LARGE1: variants seen among roughly 807,000 people sequenced by gnomAD.
LARGE1 encodes the protein LARGE xylosyl- and glucuronyltransferase 1.
In LARGE1, 43 loss-of-function variants were observed where a neutral mutation model predicts 87.6. The observed-to-expected ratio is 0.49, with a 90% confidence interval of 0.38 to 0.63. The LOEUF (loss-of-function observed/expected upper bound fraction) is 0.63, where lower values mean the gene tolerates loss of function less well. Ranked by LOEUF, LARGE1 falls within the 30% of genes least tolerant of loss-of-function variation. LARGE1 has a pLI of 0.00. For synonymous variants in LARGE1, 434 were observed against 394.6 expected (o/e 1.10, Z -1.18); for missense variants, 802 against 1,000.2 (o/e 0.80, Z 2.67).
intron 6 of LARGE1, among the ~76,000 whole-genome samples, chr22:33,529,490 C>G (rs1006511222): frequency 2.0e-4 from 31 of 152,346 alleles, no homozygotes; most frequent in African/African-American, 7.5e-4. Context: ...AAGACAAAAG[C>G]AGCCCCAACG....
chr22:33,676,901 G>C (rs1481111226), intron 2 of LARGE1, among the ~76,000 whole-genome samples: 1 of 152,142 alleles, frequency 6.6e-6, no homozygotes, highest in Non-Finnish European at 1.5e-5. Flanking sequence ...TCAAGAAGAA[G>C]ACCTCTCAGA....
chr22:33,362,731 C>T (rs2064432629), intron 9 of LARGE1, among the ~76,000 whole-genome samples: 1 of 149,964 alleles, frequency 6.7e-6, no homozygotes, highest in Admixed American at 6.6e-5. Flanking sequence ...ATTGCTGTTT[C>T]CCTGAAAGGC....
intron 5 of LARGE1, among the ~76,000 whole-genome samples, chr22:33,594,910 G>A (rs5749636): frequency 2.3e-4 from 35 of 152,266 alleles, no homozygotes; most frequent in African/African-American, 7.0e-4. Context: ...CCCCGCTGAA[G>A]TTGTTTCTTA....
At chr22:33,281,622 C>G (rs368161439) in intron 13 of LARGE1, among the ~76,000 whole-genome samples, 1 of 152,160 alleles carries the variant, frequency 6.6e-6, no homozygotes, top group African/African-American at 2.4e-5. Flanking sequence ...GTGCCTGGCA[C>G]ATGCTAAGCA....
rs922405101 is a variant in LARGE1, at chr22:33,266,630, G to A, written c.1730+37599C>T. 3.3e-5 allele frequency among the ~76,000 whole-genome samples: 5 copies of A among 151,618 alleles called. 1 individual carries two copies. The highest frequency in any genetic ancestry group is 2.6e-4 in the Admixed American group (4 of 15,246). On this transcript the variant is annotated intron_variant, in intron 11 of 11. Coordinates refer to the LARGE1 transcript ENST00000608642. ...CTGATTAAATAAGAAAATGTATATT[G>A]TCCAGCATATGTTTGTTCTCCATGA...
At chr22:33,874,108 C>T (rs1816844761) in intron 1 of LARGE1, among the ~76,000 whole-genome samples, 1 of 152,066 alleles carries the variant, frequency 6.6e-6, no homozygotes, top group Non-Finnish European at 1.5e-5. Context: ...TTCCACAGGC[C>T]GCTTTTTGCA....
chr22:33,100,358 A>AC, the LARGE1 span, among the ~76,000 whole-genome samples: 1 of 150,730 alleles, frequency 6.6e-6, no homozygotes, highest in Non-Finnish European at 1.5e-5. Context: ...TCAAAAAAAA[A>AC]AAAAAAAAAA....
At chr22:33,262,666 G>A (rs938485745) in intron 11 of LARGE1, among the ~76,000 whole-genome samples, 26 of 152,186 alleles carry the variant, frequency 1.7e-4, no homozygotes, top group South Asian at 2.1e-4. Context: ...ACTCTATTAC[G>A]CCTGCCAGTC....
intron 7 of LARGE1, among the ~76,000 whole-genome samples, chr22:33,391,784 T>A (rs2065534169): frequency 7.0e-6 from 1 of 142,282 alleles, no homozygotes; most frequent in African/African-American, 2.7e-5. Flanking sequence ...TTTTTTTTTT[T>A]TTTGAGACGG....
chr22:33,231,346 C>T (rs1925996185), intron 11 of LARGE1, among the ~76,000 whole-genome samples: 2 of 152,170 alleles, frequency 1.3e-5, no homozygotes, highest in Admixed American at 1.3e-4. Flanking sequence ...CTCCAACTAG[C>T]TCTGTAACCA....
At chr22:33,623,718 A>C (rs970902308) in intron 4 of LARGE1, among the ~76,000 whole-genome samples, 2 of 152,050 alleles carry the variant, frequency 1.3e-5, no homozygotes, top group East Asian at 1.9e-4. Context: ...AAAAAAAAAA[A>C]AAAAAAACCT....
At chr22:33,336,492 G>A (rs879583589) in intron 10 of LARGE1, among the ~76,000 whole-genome samples, 5 of 151,962 alleles carry the variant, frequency 3.3e-5, no homozygotes, top group Admixed American at 6.6e-5. Flanking sequence ...GAGCCACCGC[G>A]CCTGGCCCCA....
intron 2 of LARGE1, among the ~76,000 whole-genome samples, chr22:33,718,140 T>C (rs2082967429): frequency 6.6e-6 from 1 of 152,164 alleles, no homozygotes. Flanking sequence ...AAATATGCCG[T>C]TATTTACTGT....
intron 1 of LARGE1, among the ~76,000 whole-genome samples, chr22:33,858,354 G>T (rs1329497589): frequency 6.6e-6 from 1 of 152,164 alleles, no homozygotes; most frequent in Non-Finnish European, 1.5e-5. Flanking sequence ...CGGACCAGAA[G>T]AGAGTGCGGT....
intron 6 of LARGE1, among the ~76,000 whole-genome samples, chr22:33,544,685 AACAACAACC>A (rs1023499182): frequency 5.0e-5 from 2 of 40,342 alleles, no homozygotes; most frequent in African/African-American, 1.6e-4. Flanking sequence ...CCTGTCTCAA[AACAACAACC>A]ACAACAACAA....
rs868288472 is a variant in LARGE1 at position 33,330,531 on chromosome 22, G to T, written c.1287+7115C>A. 2.0e-5 allele frequency among the ~76,000 whole-genome samples: 3 copies of T among 152,292 alleles called. No individual in the cohort carries two copies. The Middle Eastern group carries it at 0.01, about 518-fold the overall frequency. On this transcript the variant is annotated intron_variant, in intron 10 of 14. Transcript: ENST00000397394. ...AGGGGCTGGGTTGTTGAGGAAAAGG[G>T]AGAGAAATGCTAAGGTATAGAATTC...
At chr22:33,439,426 C>T (rs2067389604) in intron 6 of LARGE1, among the ~76,000 whole-genome samples, 1 of 152,086 alleles carries the variant, frequency 6.6e-6, no homozygotes, top group Non-Finnish European at 1.5e-5. Context: ...CACCCCACTC[C>T]ACCTTTCTGA....
chr22:33,234,069 T>A (rs913974858), intron 11 of LARGE1, among the ~76,000 whole-genome samples: 1 of 152,210 alleles, frequency 6.6e-6, no homozygotes, highest in Admixed American at 6.5e-5. Flanking sequence ...AGCCTTCATA[T>A]CCAGCAAATT....
At chr22:33,798,250 G>T (rs758046360) in intron 1 of LARGE1, among the ~76,000 whole-genome samples, 2 of 152,086 alleles carry the variant, frequency 1.3e-5, no homozygotes, top group Admixed American at 6.6e-5. Context: ...AGATCTGGCC[G>T]TTACACTCCA....
Sources: allele counts gnomAD v4.1 joint callset (sites outside exome capture counted in the v4.1 genomes callset), GRCh38; gene constraint gnomAD v4.1.1; transcripts MANE v1.5; gene names NCBI Gene and HGNC (gene_info 2026-07-23, HGNC 2026-07-21).